Variants in KTN1 observed in about 807,000 individuals in gnomAD.
The protein encoded by KTN1 is kinectin.
In KTN1, 130 loss-of-function variants were observed where a neutral mutation model predicts 222.5. The observed-to-expected ratio is 0.58, with a 90% CI of 0.51 to 0.68. The LOEUF is 0.68. Ranked by LOEUF, KTN1 falls within the 30% of genes least tolerant of loss-of-function variation. KTN1 has a pLI of 0.00. For synonymous variants in KTN1, 512 were observed against 496.3 expected, an observed-to-expected ratio of 1.03 and a Z score of -0.42; for missense variants, 1,508 against 1,500.4, an observed-to-expected ratio of 1.01 and a Z score of -0.08.
intron 33 of KTN1, among the ~76,000 whole-genome samples, chr14:55,664,296 G>A (rs982914860): frequency 2.0e-5 from 3 of 152,104 alleles, no homozygotes; most frequent in East Asian, 1.9e-4. Context: ...TCAGAAGACC[G>A]ATGTTAACCT....
chr14:55,636,558 G>A, intron 10 of KTN1, 22 bp downstream of exon 10: 3 of 1,550,262 alleles, frequency 1.9e-6, no homozygotes, highest in Non-Finnish European at 2.6e-6. Flanking sequence ...AAGTATTCAT[G>A]TAAACTTTGT....
intron 1 of KTN1, among the ~76,000 whole-genome samples, chr14:55,604,471 A>G (rs905386474): frequency 6.6e-6 from 1 of 152,182 alleles, no homozygotes; most frequent in Non-Finnish European, 1.5e-5. Flanking sequence ...CCCTGTCTCT[A>G]TATTAAATAA....
At chr14:55,651,290 G>A in intron 24 of KTN1, 1 of 455,998 alleles carries the variant, frequency 2.2e-6, no homozygotes, top group Non-Finnish European at 4.4e-6. Context: ...AATATAGATT[G>A]AGAGTTCAGG....
intron 2 of KTN1, among the ~76,000 whole-genome samples, chr14:55,615,583 A>G (rs1184078073): frequency 6.6e-6 from 1 of 152,218 alleles, no homozygotes; most frequent in African/African-American, 2.4e-5. Flanking sequence ...GTAGTCAAAT[A>G]AGGAGTAATG....
intron 7 of KTN1, among the ~76,000 whole-genome samples, 171 bp downstream of exon 7, chr14:55,630,268 G>C (rs180975648): frequency 6.6e-6 from 1 of 152,142 alleles, no homozygotes; most frequent in African/African-American, 2.4e-5. Context: ...GGATGAGGTA[G>C]GGAGGCCGGA....
chr14:55,683,706 T>TA (rs5808818), intron 43 of KTN1: 16 of 151,460 alleles, frequency 1.1e-4, no homozygotes, highest in South Asian at 4.3e-4. Flanking sequence ...TCATATGACC[T>TA]AAAAAAAAAA....
At chr14:55,650,501 GTGC>G in intron 23 of KTN1, 65 bp from the exon 24 acceptor site, 2 of 1,503,704 alleles carry the variant, frequency 1.3e-6, no homozygotes, top group South Asian at 2.3e-5. Flanking sequence ...GTTTTTGTCT[GTGC>G]ATTGCATTTT....
chr14:55,586,423 A>G (rs2033013002), intron 1 of KTN1, among the ~76,000 whole-genome samples: 1 of 152,104 alleles, frequency 6.6e-6, no homozygotes, highest in Non-Finnish European at 1.5e-5. Flanking sequence ...GTGCATTATC[A>G]TATCATATCA....
At chr14:55,619,393 A>G (rs2038826566) in intron 5 of KTN1, 81 bp downstream of exon 5, 1 of 1,284,830 alleles carries the variant, frequency 7.8e-7, no homozygotes, top group South Asian at 1.2e-5. Flanking sequence ...CAGAGCAATT[A>G]ATATCTACTC....
At chr14:55,637,890 C>A in intron 12 of KTN1, 43 bp downstream of exon 12, 1 of 1,424,202 alleles carries the variant, frequency 7.0e-7, no homozygotes, top group African/African-American at 1.4e-5. Context: ...AACTTGCAGC[C>A]ATTTAAACAC....
chr14:55,645,386 G>A (rs2042187348), intron 18 of KTN1, among the ~76,000 whole-genome samples: 1 of 152,192 alleles, frequency 6.6e-6, no homozygotes, highest in African/African-American at 2.4e-5. Context: ...ACCTGATGCA[G>A]CATGTGGGTA....
At chr14:55,584,281 G>A (rs370052165) in intron 1 of KTN1, among the ~76,000 whole-genome samples, 31 of 152,198 alleles carry the variant, frequency 2.0e-4, no homozygotes, top group Middle Eastern at 3.4e-3. Context: ...TTTTCCTAAG[G>A]GCAGCTACAT....
chr14:55,638,939 C>T (rs1007251663), intron 12 of KTN1, among the ~76,000 whole-genome samples: 1 of 151,680 alleles, frequency 6.6e-6, no homozygotes, highest in East Asian at 1.9e-4. Flanking sequence ...ATTTAGTTTC[C>T]AGGCCTGTCA....
At chr14:55,618,491 C>A (rs2038701070) in intron 4 of KTN1, among the ~76,000 whole-genome samples, 1 of 151,794 alleles carries the variant, frequency 6.6e-6, no homozygotes, top group South Asian at 2.1e-4. Context: ...GTTCAGAGTT[C>A]CCACATATCC....
At chr14:55,610,845 T>C (rs1299678081) in intron 1 of KTN1, among the ~76,000 whole-genome samples, 1 of 152,234 alleles carries the variant, frequency 6.6e-6, no homozygotes, top group Non-Finnish European at 1.5e-5. Context: ...ACGTAAGTGA[T>C]ATGTATATTC....
chr14:55,635,865 T>C (rs920676509), intron 9 of KTN1, among the ~76,000 whole-genome samples: 6 of 152,198 alleles, frequency 3.9e-5, no homozygotes, highest in Non-Finnish European at 8.8e-5. Flanking sequence ...TGGAAAATAG[T>C]GTTTTTCTTA....
At chr14:55,655,487 G>A (rs966073879) in intron 28 of KTN1, among the ~76,000 whole-genome samples, 1 of 152,114 alleles carries the variant, frequency 6.6e-6, no homozygotes, top group Non-Finnish European at 1.5e-5. Flanking sequence ...TGGGGATACC[G>A]AAATGGATAA....
chr14:55,600,668 T>A (rs967585555), intron 1 of KTN1, among the ~76,000 whole-genome samples: 1 of 134,482 alleles, frequency 7.4e-6, no homozygotes, highest in African/African-American at 2.5e-5. Context: ...TGGTAGATTT[T>A]AAGGGGAGGA....
chr14:55,627,933 A>G lies in KTN1; in HGVS notation c.985A>G (p.Thr329Ala), dbSNP rs149289840. 4.3e-4 allele frequency: 699 copies of G among 1,609,210 alleles called. 7 individuals carry two copies. The African/African-American group carries it at 8.6e-3, about 20-fold the overall frequency. The change falls in exon 6 of 44, where the codon ACG becomes GCG. Residue 329 changes from threonine (T) to alanine (A), a missense_variant. Transcript: ENST00000395314. The part of the protein sequence containing the change: ...LKKSSKGELT[T>A]LIHQLQEKDK... Reference sequence around the variant, plus strand: ...GCAGTCAAGTAAGGGAGAATTGACTACGCTTATACATCAGCTTCAAGAAAA... The same window carrying G: ...GCAGTCAAGTAAGGGAGAATTGACTGCGCTTATACATCAGCTTCAAGAAAA...
Sources: gnomAD v4.1 joint callset for allele counts (sites outside exome capture counted in the v4.1 genomes callset) on GRCh38, gnomAD v4.1.1 for gene constraint, MANE v1.5 for transcripts, NCBI Gene and HGNC (gene_info 2026-07-23, HGNC 2026-07-21) for gene names.